Variants in CLIC4 observed in about 807,000 individuals in gnomAD.
CLIC4 encodes the protein CLIC family member 4.
Under a neutral mutation model 24.6 loss-of-function variants are expected in CLIC4, and 13 were observed. That is an observed-to-expected ratio of 0.53 (90% CI 0.34 to 0.84). The LOEUF is 0.84. Among genes scored for constraint, CLIC4 ranks in the 40% least tolerant of loss-of-function variants. The pLI is 0.01. For missense variants in CLIC4, 227 were observed against 301.7 expected, an observed-to-expected ratio of 0.75 and a Z score of 1.83; for synonymous variants, 104 against 111.3, an observed-to-expected ratio of 0.93 and a Z score of 0.41.
At chr1:24,790,675 G>A (rs1016929776) in intron 1 of CLIC4, among the ~76,000 whole-genome samples, 7 of 152,100 alleles carry the variant, frequency 4.6e-5, no homozygotes, top group African/African-American at 1.7e-4. Flanking sequence ...TCAAAGTCCT[G>A]ACTCTGTTAG....
At chr1:24,800,343 T>C (rs1571250508) in intron 2 of CLIC4, among the ~76,000 whole-genome samples, 1 of 75,320 alleles carries the variant, frequency 1.3e-5, no homozygotes, top group East Asian at 4.5e-4. Context: ...GGGAGGGAGG[T>C]GGGGGGGTCA....
intron 1 of CLIC4, among the ~76,000 whole-genome samples, chr1:24,766,340 G>A (rs1408780608): frequency 6.6e-6 from 1 of 151,652 alleles, no homozygotes; most frequent in African/African-American, 2.4e-5. Flanking sequence ...CCATGTTGGC[G>A]AGGCTGATTT....
At chr1:24,814,439 G>A (rs75404060) in intron 3 of CLIC4, among the ~76,000 whole-genome samples, 1 of 152,156 alleles carries the variant, frequency 6.6e-6, no homozygotes, top group South Asian at 2.1e-4. Flanking sequence ...AGAATATGTG[G>A]TAGAAACAGA....
chr1:24,841,663 A>G lies in CLIC4; in HGVS notation c.*726A>G, dbSNP rs1639944952. On this transcript the variant is annotated 3_prime_UTR_variant, in exon 6 of 6. Transcript: ENST00000374379. ...TCTCAAGACCTTCCTCAAGCATTTT[A>G]TCTTTAGAAGAGAAACTGATGGGCA... 2 of 152,368 alleles carry G rather than the reference A, an allele frequency of 1.3e-5. No individual in the cohort carries two copies. Among genetic ancestry groups the G allele is most frequent in the Non-Finnish European group, 1.5e-5 (1 of 68,036 alleles). 9.4% of individuals were successfully genotyped at this position (152,368 alleles called of 1,614,324 possible).
chr1:24,761,167 G>T (rs553434299), intron 1 of CLIC4, among the ~76,000 whole-genome samples: 1 of 152,276 alleles, frequency 6.6e-6, no homozygotes, highest in South Asian at 2.1e-4. Flanking sequence ...GGTGGAAAAG[G>T]CTGTGGGAAG....
At chr1:24,836,199 A>G (rs938818691) in intron 4 of CLIC4, among the ~76,000 whole-genome samples, 9 of 152,382 alleles carry the variant, frequency 5.9e-5, no homozygotes, top group African/African-American at 2.2e-4. Flanking sequence ...ATCTTACCAA[A>G]TAACTAACCT....
At chr1:24,745,994 G>C (rs949937694) in intron 1 of CLIC4, among the ~76,000 whole-genome samples, 12 of 150,732 alleles carry the variant, frequency 8.0e-5, no homozygotes, top group Non-Finnish European at 1.2e-4. Flanking sequence ...CCCGGGCGCC[G>C]GGGCCCGGCC....
chr1:24,763,533 CAAA>C (rs33955013), intron 1 of CLIC4, among the ~76,000 whole-genome samples: 2 of 78,952 alleles, frequency 2.5e-5, no homozygotes, highest in African/African-American at 5.5e-5. Context: ...ACTCCGTCTC[CAAA>C]AAAAAAAAAA....
At chr1:24,779,291 G>A (rs1197220456) in intron 1 of CLIC4, among the ~76,000 whole-genome samples, 9 of 151,978 alleles carry the variant, frequency 5.9e-5, no homozygotes, top group Admixed American at 5.2e-4. Flanking sequence ...GCAACATAGT[G>A]AAACTCTGAT....
At chr1:24,800,471 G>A (rs555139409) in intron 2 of CLIC4, among the ~76,000 whole-genome samples, 305 of 150,832 alleles carry the variant, frequency 2.0e-3, no homozygotes, top group African/African-American at 6.8e-3. Context: ...CCGGCCAGCC[G>A]CCCCGTCCGG....
intron 3 of CLIC4, 85 bp from the exon 4 acceptor site, chr1:24,826,925 A>G (rs539217428): frequency 6.0e-5 from 49 of 817,804 alleles, no homozygotes; most frequent in Non-Finnish European, 8.1e-5. Flanking sequence ...AAAGACGTCT[A>G]GTAACTGCTA....
Position 24,811,850 on chromosome 1 carries a change from A to G in CLIC4, c.183-2244A>G, listed in dbSNP as rs375201963. On this transcript the variant is annotated intron_variant, in intron 2 of 5. Transcript: ENST00000374379. ...AATACTTCATGGTGCCATAGGAAAC[A>G]CACCATATCTGGTCATCTCATTTTT... is the stretch of plus-strand genomic sequence containing the variant. Among the ~76,000 whole-genome samples, 26 of 152,314 alleles carry G rather than the reference A, an allele frequency of 1.7e-4. No individual in the cohort carries two copies. In the East Asian group the frequency reaches 3.1e-3, roughly 18 times the overall value.
intron 2 of CLIC4, 180 bp downstream of exon 2, chr1:24,798,031 C>T (rs954683375): frequency 1.2e-5 from 6 of 480,760 alleles, no homozygotes; most frequent in South Asian, 3.1e-5. Context: ...CAGTATACTG[C>T]GTGGCTACTC....
intron 2 of CLIC4, among the ~76,000 whole-genome samples, chr1:24,803,211 T>A (rs1639509745): frequency 6.6e-6 from 1 of 152,204 alleles, no homozygotes; most frequent in Non-Finnish European, 1.5e-5. Context: ...TAAATGTGAC[T>A]CTTTTTAGAA....
At chr1:24,785,003 CAAAA>C (rs371409071) in intron 1 of CLIC4, among the ~76,000 whole-genome samples, 2 of 122,274 alleles carry the variant, frequency 1.6e-5, no homozygotes, top group African/African-American at 6.4e-5. Flanking sequence ...GACTCTGTCT[CAAAA>C]AAAAAAAAAA....
intron 1 of CLIC4, among the ~76,000 whole-genome samples, chr1:24,788,542 C>T (rs1451842763): frequency 6.6e-6 from 1 of 152,202 alleles, no homozygotes; most frequent in East Asian, 1.9e-4. Flanking sequence ...GCGGGTTCTG[C>T]ATCTGTGGAT....
chr1:24,812,003 G>T (rs1639619997), intron 2 of CLIC4, among the ~76,000 whole-genome samples: 2 of 152,106 alleles, frequency 1.3e-5, no homozygotes, highest in Admixed American at 6.6e-5. Context: ...GTTTTGTGGT[G>T]TTTTCAATTT....
intron 3 of CLIC4, among the ~76,000 whole-genome samples, chr1:24,824,149 A>AT (rs1455886065): frequency 1.3e-5 from 2 of 152,232 alleles, no homozygotes; most frequent in Non-Finnish European, 2.9e-5. Context: ...AAAAAAGTTG[A>AT]TTTTGAACCT....
intron 1 of CLIC4, among the ~76,000 whole-genome samples, chr1:24,748,509 T>TG: frequency 7.0e-6 from 1 of 143,476 alleles, no homozygotes; most frequent in South Asian, 2.3e-4. Flanking sequence ...GTTTTTTTTT[T>TG]TTTTTTTTTT....
Sources: gnomAD v4.1 joint callset for allele counts (sites outside exome capture counted in the v4.1 genomes callset) on GRCh38, gnomAD v4.1.1 for gene constraint, MANE v1.5 for transcripts, NCBI Gene and HGNC (gene_info 2026-07-23, HGNC 2026-07-21) for gene names.